ZNF236: variants seen among roughly 807,000 people sequenced by gnomAD.
ZNF236 encodes the protein zinc finger protein 236.
A neutral mutation model predicts 191.2 loss-of-function variants in ZNF236; 50 were observed. That is an observed-to-expected ratio of 0.26 (90% CI 0.21 to 0.33). The LOEUF (loss-of-function observed/expected upper bound fraction) is 0.33. Ranked by LOEUF, ZNF236 falls within the 10% of genes least tolerant of loss-of-function variation. The pLI is 1.00. For missense variants in ZNF236, 1,754 were observed against 2,374.5 expected (o/e 0.74, Z 5.43); for synonymous variants, 907 against 928.8 (o/e 0.98, Z 0.43).
intron 3 of ZNF236, among the ~76,000 whole-genome samples, chr18:76,853,140 G>A (rs1032438305): frequency 2.6e-5 from 4 of 151,700 alleles, no homozygotes; most frequent in African/African-American, 7.3e-5. Context: ...GTGCAATGGC[G>A]CCATCTTAAC....
chr18:76,916,139 C>G (rs1463432395), intron 19 of ZNF236, among the ~76,000 whole-genome samples: 3 of 152,296 alleles, frequency 2.0e-5, no homozygotes, highest in African/African-American at 7.2e-5. Flanking sequence ...CTTGGGCGCG[C>G]ATGTTGCTAG....
intron 3 of ZNF236, among the ~76,000 whole-genome samples, chr18:76,855,737 A>G (rs911072952): frequency 3.9e-5 from 6 of 152,064 alleles, no homozygotes; most frequent in African/African-American, 1.4e-4. Flanking sequence ...ACATTTGGTT[A>G]TCACTGTTGT....
In ZNF236 at chr18:76,849,618, A is replaced by G. The variant is rs1975798036; in HGVS notation, c.148A>G (p.Lys50Glu). 2 of 1,609,640 alleles carry G rather than the reference A, an allele frequency of 1.2e-6. No homozygotes were observed. Among genetic ancestry groups the G allele is most frequent in the African/African-American group, 1.3e-5 (1 of 74,718 alleles). The change falls in exon 2 of 31, where the codon AAA becomes GAA. Residue 50 changes from lysine (K) to glutamate (E), a missense_variant. Lys to Glu is a moderately conservative substitution (Grantham distance 56). Coordinates refer to ENST00000320610, the MANE Select transcript of ZNF236 (RefSeq NM_001306089.2). Reference protein sequence around the residue: ...KCEICLLSFPKESQFQRHMRD... With the variant: ...KCEICLLSFPEESQFQRHMRD... ...TGAAATCTGTCTACTATCTTTTCCAAAAGAATCCCAGTTTCAACGCCACAT... is the reference window on the plus strand; with the variant it reads ...TGAAATCTGTCTACTATCTTTTCCAGAAGAATCCCAGTTTCAACGCCACAT...
In ZNF236 at chr18:76,912,390, A is replaced by G. The variant is rs1364441286; in HGVS notation, c.2909+43A>G. 2.0e-6 allele frequency: 3 copies of G among 1,463,914 alleles called. No homozygotes were observed. The Admixed American group carries it at 5.2e-5, about 25-fold the overall frequency. 90.7% of individuals were successfully genotyped at this position (1,463,914 alleles called of 1,614,324 possible). On this transcript the variant is annotated intron_variant, in intron 17 of 30. Coordinates refer to ENST00000320610, the MANE Select transcript of ZNF236 (RefSeq NM_001306089.2). Reference sequence around the variant, plus strand: ...CCAGCTCATGGTATTGCCGGCTCCCAGGAACGGATGCTGCTGTGTGTTTGC... The same window carrying G: ...CCAGCTCATGGTATTGCCGGCTCCCGGGAACGGATGCTGCTGTGTGTTTGC...
At position 76,890,135 on chromosome 18, in the gene ZNF236, G is replaced by A. The variant is rs187118561; in HGVS notation, c.1418-4878G>A. ...AAATAATTTCAGTCTTAGTGGAAAT[G>A]TTTCAAAACAATACAAGGAATTCCC... On this transcript the variant is annotated intron_variant, in intron 9 of 30. Transcript: ENST00000320610. 1.1e-4 allele frequency among the ~76,000 whole-genome samples: 17 copies of A among 152,236 alleles called. No homozygotes were observed. The East Asian group carries it at 3.3e-3, about 29-fold the overall frequency.
chr18:76,849,830 A>T (rs1975805580), intron 2 of ZNF236, among the ~76,000 whole-genome samples, 162 bp downstream of exon 2: 1 of 152,216 alleles, frequency 6.6e-6, no homozygotes, highest in Non-Finnish European at 1.5e-5. Context: ...TTGTAGTTGT[A>T]TTCCTAGCTA....
chr18:76,855,823 A>G (rs1480645787), intron 3 of ZNF236, among the ~76,000 whole-genome samples: 2 of 152,166 alleles, frequency 1.3e-5, no homozygotes, highest in Admixed American at 6.5e-5. Context: ...AGTGCCCAGC[A>G]CAGCCTCCAT....
chr18:76,894,994 G>A lies in ZNF236; in HGVS notation c.1418-19G>A, dbSNP rs770519346. On this transcript the variant is annotated intron_variant, in intron 9 of 30. Transcript: ENST00000320610. Reference sequence around the variant, plus strand: ...GCGGGGTGTCCAGGCCAAGCGGGACGTGTCCTCTCCCTTCACAGGCTCCAT... The same window carrying A: ...GCGGGGTGTCCAGGCCAAGCGGGACATGTCCTCTCCCTTCACAGGCTCCAT... 37 of 1,605,426 alleles carry A rather than the reference G, an allele frequency of 2.3e-5. No individual in the cohort carries two copies. The highest frequency in any genetic ancestry group is 8.8e-5 in the South Asian group (8 of 91,022).
chr18:76,943,195 T>A (rs561702477), intron 26 of ZNF236, among the ~76,000 whole-genome samples: 2 of 152,136 alleles, frequency 1.3e-5, no homozygotes, highest in African/African-American at 2.4e-5. Flanking sequence ...TATATGTTTT[T>A]ATAAGTCCAT....
rs1443827342 is a variant in ZNF236 at position 76,937,836 on chromosome 18, A to T, written c.4782+493A>T. 2.0e-5 allele frequency among the ~76,000 whole-genome samples: 3 copies of T among 152,188 alleles called. 1 individual carries two copies. Among genetic ancestry groups the T allele is most frequent in the Non-Finnish European group, 4.4e-5 (3 of 68,032 alleles). On this transcript the variant is annotated intron_variant, in intron 26 of 30. Transcript: ENST00000320610. ...CTGTGCCAAAGGGGTGTACATTTTT[A>T]AATGATTCGTTGAGCTAAGATGCTG... is the stretch of plus-strand genomic sequence containing the variant.
chr18:76,844,162 C>T (rs1215135901), intron 1 of ZNF236, among the ~76,000 whole-genome samples: 1 of 151,612 alleles, frequency 6.6e-6, no homozygotes, highest in African/African-American at 2.4e-5. Flanking sequence ...ATTGCTTGAA[C>T]CTGGGAGGTG....
At chr18:76,942,848 T>C (rs1377858287) in intron 26 of ZNF236, among the ~76,000 whole-genome samples, 2 of 148,234 alleles carry the variant, frequency 1.3e-5, no homozygotes, top group African/African-American at 5.0e-5. Flanking sequence ...TTTGGCTGGG[T>C]GCAGTGGCTC....
At chr18:76,845,593 G>C (rs1286714650) in intron 1 of ZNF236, among the ~76,000 whole-genome samples, 1 of 152,140 alleles carries the variant, frequency 6.6e-6, no homozygotes, top group African/African-American at 2.4e-5. Flanking sequence ...GCTCATGCCT[G>C]TAATCCCAGC....
chr18:76,909,493 G>A (rs968809550), intron 14 of ZNF236, among the ~76,000 whole-genome samples: 2 of 152,066 alleles, frequency 1.3e-5, no homozygotes, highest in Non-Finnish European at 2.9e-5. Flanking sequence ...AGTGAACTGT[G>A]GGTGACTGGT....
chr18:76,966,362 C>T (rs1453626414), intron 30 of ZNF236, among the ~76,000 whole-genome samples: 1 of 150,438 alleles, frequency 6.6e-6, no homozygotes, highest in Non-Finnish European at 1.5e-5. Context: ...CACACAGAGA[C>T]ACACACACAG....
intron 25 of ZNF236, chr18:76,936,145 C>T (rs2122874847): frequency 2.3e-6 from 1 of 433,898 alleles, no homozygotes; most frequent in Middle Eastern, 3.3e-4. Flanking sequence ...AAAGTGCTGA[C>T]AGGCGCGTGT....
chr18:76,851,040 T>TTA (rs1491208615), intron 2 of ZNF236, among the ~76,000 whole-genome samples: 1 of 129,744 alleles, frequency 7.7e-6, no homozygotes, highest in African/African-American at 2.7e-5. Flanking sequence ...TTTTTTTTTT[T>TTA]AAAAAAAAGC....
At position 76,841,422 on chromosome 18, in the gene ZNF236, G is replaced by A. The variant is rs150692486; in HGVS notation, c.56-8104G>A. 1.5e-3 allele frequency among the ~76,000 whole-genome samples: 228 copies of A among 152,090 alleles called. 1 individual carries two copies. The highest frequency in any genetic ancestry group is 5.1e-3 in the African/African-American group (210 of 41,366). Reference sequence around the variant, plus strand: ...TCTGCTGTAATAATATGAGCGAACCGACACTATTAAGGACCACTTAATGAG... The same window carrying A: ...TCTGCTGTAATAATATGAGCGAACCAACACTATTAAGGACCACTTAATGAG... On this transcript the variant is annotated intron_variant, in intron 1 of 30. Transcript: ENST00000320610.
chr18:76,843,803 A>AAAAAAAAAAAAAAAAAAG lies in ZNF236; in HGVS notation c.56-5721_56-5720insAAAAAAAAAAAAAAAGAA, dbSNP rs71172383. Among the ~76,000 whole-genome samples the AAAAAAAAAAAAAAAAAAG allele has an allele frequency of 5.6e-3, 349 of 62,088 alleles. 123 individuals carry two copies. The highest frequency in any genetic ancestry group is 7.2e-3 in the Non-Finnish European group (256 of 35,430). 40.7% of individuals were successfully genotyped at this position (62,088 alleles called of 152,430 possible). A position where few individuals can be genotyped will look rare whatever the true frequency, so the allele number is the denominator to read the frequency against. ...AAAAAAAAAAAAAAAAAAAAAAAAA[A>AAAAAAAAAAAAAAAAAAG]AAGTAAAGAAGAGACCGGGCGCAGT... On this transcript the variant is annotated intron_variant, in intron 1 of 30. Transcript: ENST00000320610.
Sources: allele counts gnomAD v4.1 joint callset (sites outside exome capture counted in the v4.1 genomes callset), GRCh38; gene constraint gnomAD v4.1.1; transcripts MANE v1.5; gene names NCBI Gene and HGNC (gene_info 2026-07-23, HGNC 2026-07-21).